SREBF2: variants seen among roughly 807,000 people sequenced by gnomAD.
The protein encoded by SREBF2 is sterol regulatory element binding transcription factor 2.
A neutral mutation model predicts 113.1 loss-of-function variants in SREBF2; 55 were observed. The ratio of observed to expected loss-of-function variants is 0.49; its 90% CI spans 0.39 to 0.61. The LOEUF (loss-of-function observed/expected upper bound fraction) is 0.61. Among genes scored for constraint, SREBF2 ranks in the 20% least tolerant of loss-of-function variants. The pLI is 0.00. For missense variants in SREBF2, 1,349 were observed against 1,487.4 expected (o/e 0.91, Z 1.53); for synonymous variants, 593 against 605.7 (o/e 0.98, Z 0.31).
At chr22:41,877,856 T>C (rs2077210983) in intron 8 of SREBF2, 86 bp from the exon 9 acceptor site, 4 of 1,399,800 alleles carry the variant, frequency 2.9e-6, no homozygotes, top group Non-Finnish European at 4.1e-6. Context: ...GAAGACTCTT[T>C]CCTGTGATAG....
intron 1 of SREBF2, among the ~76,000 whole-genome samples, chr22:41,838,318 G>A (rs1197871686): frequency 6.6e-6 from 1 of 152,224 alleles, no homozygotes; most frequent in Non-Finnish European, 1.5e-5. Context: ...AGTAGAAGAT[G>A]AGGTCTGAGA....
chr22:41,873,627 G>C, intron 4 of SREBF2, 171 bp from the exon 5 acceptor site: 1 of 666,894 alleles, frequency 1.5e-6, no homozygotes, highest in East Asian at 2.7e-5. Flanking sequence ...AAGGTTCCGT[G>C]GCTCCTGAGA....
At chr22:41,899,975 T>G in intron 15 of SREBF2, 1 of 1,202,658 alleles carries the variant, frequency 8.3e-7, no homozygotes, top group Non-Finnish European at 1.0e-6. Context: ...GGGGGGGTGG[T>G]CCCTTAAAGA....
At chr22:41,849,438 T>C (rs1030018181) in intron 1 of SREBF2, among the ~76,000 whole-genome samples, 14 of 151,970 alleles carry the variant, frequency 9.2e-5, no homozygotes, top group Admixed American at 7.2e-4. Context: ...CAGGTGATCC[T>C]CCCGCCTTAG....
At chr22:41,876,059 C>A (rs574542584) in intron 7 of SREBF2, among the ~76,000 whole-genome samples, 6 of 152,296 alleles carry the variant, frequency 3.9e-5, no homozygotes, top group African/African-American at 1.2e-4. Context: ...CTTTAATGGG[C>A]CTGGCAAGAC....
intron 1 of SREBF2, among the ~76,000 whole-genome samples, chr22:41,863,454 C>A (rs186750498): frequency 1.2e-4 from 19 of 152,336 alleles, no homozygotes; most frequent in Non-Finnish European, 1.8e-4. Flanking sequence ...TGGGGGAATT[C>A]TAAAAGGTTC....
chr22:41,865,144 AAAAC>A (rs888368770), intron 1 of SREBF2, among the ~76,000 whole-genome samples: 7 of 92,972 alleles, frequency 7.5e-5, no homozygotes, highest in African/African-American at 2.1e-4. Flanking sequence ...CATCCCCCAA[AAAAC>A]ACACACACAC....
In SREBF2 at chr22:41,845,577, G is replaced by A. The variant is rs568974906; in HGVS notation, c.88+12219G>A. 2.0e-5 allele frequency among the ~76,000 whole-genome samples: 3 copies of A among 152,174 alleles called. No homozygotes were observed. The South Asian group carries it at 6.2e-4, about 31-fold the overall frequency. ...CAGGGAGCTAACATGTAAACATCCA[G>A]TCATAATACATGGGAAAATACAACA... On this transcript the variant is annotated intron_variant, in intron 1 of 18. Coordinates refer to ENST00000361204, the MANE Select transcript of SREBF2 (RefSeq NM_004599.4).
intron 1 of SREBF2, among the ~76,000 whole-genome samples, chr22:41,855,755 CTTT>C (rs572611963): frequency 7.8e-5 from 11 of 141,122 alleles, no homozygotes; most frequent in Admixed American, 2.1e-4. Context: ...TGTAGTATAA[CTTT>C]TTTTTTTTTT....
chr22:41,836,010 C>T (rs1281447622), intron 1 of SREBF2, among the ~76,000 whole-genome samples: 1 of 152,216 alleles, frequency 6.6e-6, no homozygotes, highest in Non-Finnish European at 1.5e-5. Flanking sequence ...TGGAAACTAC[C>T]ACCCTCTGGA....
At chr22:41,846,521 A>C (rs2076878049) in intron 1 of SREBF2, among the ~76,000 whole-genome samples, 1 of 152,208 alleles carries the variant, frequency 6.6e-6, no homozygotes, top group African/African-American at 2.4e-5. Context: ...AAATGGAACA[A>C]AAGTGGCAAA....
At chr22:41,857,177 A>T (rs2076984957) in intron 1 of SREBF2, among the ~76,000 whole-genome samples, 1 of 152,172 alleles carries the variant, frequency 6.6e-6, no homozygotes, top group Non-Finnish European at 1.5e-5. Flanking sequence ...ATTAAGGCAG[A>T]GTGTGGACGG....
chr22:41,889,458 T>A (rs575311741), intron 11 of SREBF2, among the ~76,000 whole-genome samples: 8 of 152,226 alleles, frequency 5.3e-5, no homozygotes, highest in Non-Finnish European at 1.0e-4. Context: ...AACATCCTAA[T>A]AGGTATTTAA....
chr22:41,887,809 T>C (rs1321527253), intron 11 of SREBF2, among the ~76,000 whole-genome samples: 2 of 152,186 alleles, frequency 1.3e-5, no homozygotes, highest in Non-Finnish European at 2.9e-5. Flanking sequence ...CTTCTAGTTC[T>C]ACATCCTTAC....
chr22:41,899,176 A>G (rs1281078524), intron 15 of SREBF2: 2 of 1,117,540 alleles, frequency 1.8e-6, no homozygotes, highest in African/African-American at 1.6e-5. Flanking sequence ...TGCCCCCAAA[A>G]CTCATGTGCA....
At chr22:41,840,438 CTCT>C (rs111754749) in intron 1 of SREBF2, among the ~76,000 whole-genome samples, 27,053 of 152,018 alleles carry the variant, frequency 0.18, 3,216 homozygotes, top group Admixed American at 0.33. Context: ...AATGTTGAAG[CTCT>C]TCTTTCCCAG....
intron 1 of SREBF2, among the ~76,000 whole-genome samples, chr22:41,850,115 G>A (rs987944349): frequency 1.3e-5 from 2 of 151,460 alleles, no homozygotes; most frequent in Admixed American, 1.3e-4. Context: ...ACTCTAGCCT[G>A]GGTGACAGAG....
intron 13 of SREBF2, among the ~76,000 whole-genome samples, chr22:41,895,694 C>G (rs1001854966): frequency 6.6e-6 from 1 of 152,118 alleles, no homozygotes; most frequent in African/African-American, 2.4e-5. Flanking sequence ...CCTCGGCCTC[C>G]CAAAGTGCTG....
At chr22:41,882,628 A>G (rs2077258254) in intron 10 of SREBF2, among the ~76,000 whole-genome samples, 1 of 152,206 alleles carries the variant, frequency 6.6e-6, no homozygotes, top group Non-Finnish European at 1.5e-5. Context: ...CAACATGGCA[A>G]AACCCTGTCT....
Sources: allele counts gnomAD v4.1 joint callset (sites outside exome capture counted in the v4.1 genomes callset), GRCh38; gene constraint gnomAD v4.1.1; transcripts MANE v1.5; gene names NCBI Gene and HGNC (gene_info 2026-07-23, HGNC 2026-07-21).